AUTS2: variants seen among roughly 807,000 people sequenced by gnomAD.
AUTS2 encodes activator of transcription and developmental regulator AUTS2, also known as autism susceptibility gene 2 protein.
Under a neutral mutation model 112.4 loss-of-function variants are expected in AUTS2, and 17 were observed. The observed-to-expected ratio is 0.15, with a 90% CI of 0.10 to 0.23. AUTS2 has a LOEUF of 0.23. AUTS2 is among the 10% of genes least tolerant of loss of function. The pLI, the probability that AUTS2 is intolerant of heterozygous loss-of-function variation, is 1.00. For synonymous variants in AUTS2, 751 were observed against 702.7 expected (o/e 1.07, Z -1.09); for missense variants, 1,510 against 1,701.6 (o/e 0.89, Z 1.98).
intron 5 of AUTS2, among the ~76,000 whole-genome samples, chr7:70,646,796 AGGGCAGCAGGGCTGGCCCAGAAGCT>A (rs1374652859): frequency 6.6e-6 from 1 of 152,218 alleles, no homozygotes. Context: ...GCCCTGGCTC[AGGGCAGCAGGGCTGGCCCAGAAGCT>A]GGGGCCAGGA....
intron 2 of AUTS2, among the ~76,000 whole-genome samples, chr7:69,989,596 C>T (rs1446718759): frequency 6.6e-6 from 1 of 152,096 alleles, no homozygotes; most frequent in Non-Finnish European, 1.5e-5. Flanking sequence ...GCTGATGGTT[C>T]CATAGATTGT....
intron 1 of AUTS2, among the ~76,000 whole-genome samples, chr7:69,768,527 T>C (rs1055229780): frequency 5.3e-5 from 8 of 152,300 alleles, no homozygotes; most frequent in African/African-American, 9.6e-5. Context: ...AGAGCTGGGA[T>C]GCCCTTAACA....
intron 5 of AUTS2, among the ~76,000 whole-genome samples, chr7:70,558,484 A>G (rs1801342681): frequency 6.6e-6 from 1 of 152,188 alleles, no homozygotes; most frequent in Admixed American, 6.5e-5. Flanking sequence ...AGGAGCAGGC[A>G]CAGTGACTGG....
chr7:69,811,315 A>G (rs1262715140), intron 1 of AUTS2, among the ~76,000 whole-genome samples: 2 of 152,044 alleles, frequency 1.3e-5, no homozygotes, highest in Non-Finnish European at 2.9e-5. Flanking sequence ...ACCATATTGC[A>G]TCACTATGAG....
chr7:69,643,024 G>A (rs1035824232), intron 1 of AUTS2, among the ~76,000 whole-genome samples: 1 of 152,140 alleles, frequency 6.6e-6, no homozygotes, highest in Non-Finnish European at 1.5e-5. Context: ...GACTATGGAA[G>A]CATAAGCTAC....
intron 4 of AUTS2, among the ~76,000 whole-genome samples, chr7:70,214,842 A>G (rs1302176425): frequency 6.6e-6 from 1 of 152,232 alleles, no homozygotes; most frequent in African/African-American, 2.4e-5. Flanking sequence ...TTGAGAAAGA[A>G]AACTCTAGTG....
At chr7:69,726,119 C>G (rs547523784) in intron 1 of AUTS2, among the ~76,000 whole-genome samples, 1 of 152,112 alleles carries the variant, frequency 6.6e-6, no homozygotes, top group African/African-American at 2.4e-5. Flanking sequence ...ATATACATAC[C>G]CATGTAGCAC....
chr7:70,374,388 C>T (rs189305650), intron 4 of AUTS2, among the ~76,000 whole-genome samples: 86 of 152,066 alleles, frequency 5.7e-4, no homozygotes, highest in African/African-American at 2.0e-3. Flanking sequence ...TTTTCTTTAC[C>T]AATTGCTATA....
intron 6 of AUTS2, among the ~76,000 whole-genome samples, chr7:70,722,743 A>G (rs775815979): frequency 6.6e-6 from 1 of 152,196 alleles, no homozygotes; most frequent in East Asian, 1.9e-4. Context: ...TTTTACGTGA[A>G]TCCCTCTAAT....
intron 6 of AUTS2, among the ~76,000 whole-genome samples, chr7:70,706,171 C>G (rs866657926): frequency 6.6e-6 from 1 of 152,164 alleles, no homozygotes; most frequent in South Asian, 2.1e-4. Flanking sequence ...CCTACAACAA[C>G]AAAAGTCTTA....
At chr7:70,713,949 T>A (rs890079491) in intron 6 of AUTS2, among the ~76,000 whole-genome samples, 2 of 151,954 alleles carry the variant, frequency 1.3e-5, no homozygotes, top group Non-Finnish European at 2.9e-5. Context: ...GATTTCTGAT[T>A]CAGCGTGTCT....
At chr7:69,840,524 G>T (rs1325874520) in intron 1 of AUTS2, among the ~76,000 whole-genome samples, 6 of 152,140 alleles carry the variant, frequency 3.9e-5, no homozygotes, top group Admixed American at 2.0e-4. Flanking sequence ...TATATGTGTG[G>T]GTGGGATAAG....
At chr7:69,828,947 A>C (rs1187925403) in intron 1 of AUTS2, among the ~76,000 whole-genome samples, 1 of 152,180 alleles carries the variant, frequency 6.6e-6, no homozygotes, top group East Asian at 1.9e-4. Context: ...GTGGCAAATA[A>C]AATAATCCAG....
intron 1 of AUTS2, among the ~76,000 whole-genome samples, chr7:69,645,806 C>T (rs1176349255): frequency 6.6e-6 from 1 of 151,888 alleles, no homozygotes; most frequent in Non-Finnish European, 1.5e-5. Flanking sequence ...GCTGTGTTAC[C>T]TTAGGGGATT....
intron 1 of AUTS2, among the ~76,000 whole-genome samples, chr7:69,676,631 A>G (rs1198674627): frequency 1.3e-5 from 2 of 152,192 alleles, no homozygotes; most frequent in African/African-American, 4.8e-5. Context: ...TTAGAATGGT[A>G]AGACATTTTT....
intron 1 of AUTS2, among the ~76,000 whole-genome samples, chr7:69,879,126 G>C (rs1379071129): frequency 1.4e-5 from 1 of 69,406 alleles, no homozygotes; most frequent in Non-Finnish European, 3.1e-5. Flanking sequence ...CTTTCTGTGT[G>C]TGTGTGTGTG....
At chr7:70,711,753 A>T (rs1262437784) in intron 6 of AUTS2, among the ~76,000 whole-genome samples, 1 of 152,208 alleles carries the variant, frequency 6.6e-6, no homozygotes, top group South Asian at 2.1e-4. Flanking sequence ...TGAACAACTG[A>T]CATCCTAGAA....
intron 1 of AUTS2, among the ~76,000 whole-genome samples, chr7:69,832,179 G>C (rs962204511): frequency 4.6e-5 from 7 of 152,106 alleles, no homozygotes; most frequent in Non-Finnish European, 1.0e-4. Context: ...TGTGTGATCT[G>C]GATCTGGGTT....
chr7:70,096,400 C>T (rs866779598), intron 2 of AUTS2, among the ~76,000 whole-genome samples: 6 of 151,536 alleles, frequency 4.0e-5, no homozygotes, highest in Non-Finnish European at 2.9e-5. Flanking sequence ...AGTTGGAGAC[C>T]AGCCTCGCCA....
Sources: gnomAD v4.1 joint callset for allele counts (sites outside exome capture counted in the v4.1 genomes callset) on GRCh38, gnomAD v4.1.1 for gene constraint, MANE v1.5 for transcripts, NCBI Gene and HGNC (gene_info 2026-07-23, HGNC 2026-07-21) for gene names.